Variants in PTPRQ observed in about 807,000 individuals in gnomAD.
The protein encoded by PTPRQ is phosphatidylinositol phosphatase PTPRQ.
In PTPRQ, 199 loss-of-function variants were observed where a neutral mutation model predicts 246.0. The observed-to-expected ratio is 0.81, with a 90% CI of 0.72 to 0.91. The LOEUF (loss-of-function observed/expected upper bound fraction) is 0.91, where lower values mean the gene tolerates loss of function less well. PTPRQ is among the 40% of genes least tolerant of loss of function. PTPRQ has a pLI of 0.00. For synonymous variants in PTPRQ, 869 were observed against 853.2 expected (o/e 1.02, Z -0.32); for missense variants, 2,624 against 2,528.4 (o/e 1.04, Z -0.81).
At chr12:80,490,599 C>T (rs1894414949) in intron 9 of PTPRQ, among the ~76,000 whole-genome samples, 1 of 151,914 alleles carries the variant, frequency 6.6e-6, no homozygotes, top group African/African-American at 2.4e-5. Flanking sequence ...AAGACATGTT[C>T]ATTGTCACAA....
chr12:80,628,984 C>T (rs1460428026), intron 33 of PTPRQ, among the ~76,000 whole-genome samples: 1 of 152,096 alleles, frequency 6.6e-6, no homozygotes, highest in Non-Finnish European at 1.5e-5. Flanking sequence ...GTCCAGAAGG[C>T]TAGAAATCTA....
chr12:80,482,225 T>C (rs1205978099), intron 8 of PTPRQ, among the ~76,000 whole-genome samples: 59 of 149,344 alleles, frequency 4.0e-4, no homozygotes, highest in Non-Finnish European at 6.7e-4. Context: ...ACGCCGCATA[T>C]CTACAACTAT....
At chr12:80,519,644 A>T (rs577683549) in intron 17 of PTPRQ, among the ~76,000 whole-genome samples, 1 of 152,314 alleles carries the variant, frequency 6.6e-6, no homozygotes, top group South Asian at 2.1e-4. Context: ...TGGTCCTGAC[A>T]CATGTGTATT....
chr12:80,541,465 T>G (rs1896147982), intron 20 of PTPRQ, 90 bp from the exon 21 acceptor site: 1 of 1,050,818 alleles, frequency 9.5e-7, no homozygotes, highest in Non-Finnish European at 1.3e-6. Context: ...ATGTAATAGT[T>G]GCCATTTCAA....
At chr12:80,551,995 A>G (rs12369601) in intron 25 of PTPRQ, among the ~76,000 whole-genome samples, 19,292 of 152,028 alleles carry the variant, frequency 0.13, 1,342 homozygotes, top group African/African-American at 0.16. Context: ...TTAAAAGCCC[A>G]GCTTAAATGT....
chr12:80,515,497 T>C (rs1343741111), intron 17 of PTPRQ, among the ~76,000 whole-genome samples: 2 of 151,892 alleles, frequency 1.3e-5, no homozygotes, highest in African/African-American at 4.8e-5. Context: ...CTTGGCTCAC[T>C]GCAACCTCTG....
intron 7 of PTPRQ, among the ~76,000 whole-genome samples, chr12:80,471,273 T>G (rs1355450242): frequency 2.0e-5 from 3 of 151,978 alleles, no homozygotes; most frequent in Non-Finnish European, 4.4e-5. Context: ...TGCCACCATT[T>G]GGGGTGGCTG....
chr12:80,468,903 C>T, intron 7 of PTPRQ, 65 bp downstream of exon 7: 1 of 1,508,738 alleles, frequency 6.6e-7, no homozygotes, highest in Non-Finnish European at 8.8e-7. Flanking sequence ...TTACCAATAT[C>T]AAACTCTGTT....
intron 25 of PTPRQ, among the ~76,000 whole-genome samples, chr12:80,572,916 A>G (rs1301353706): frequency 6.6e-6 from 1 of 152,144 alleles, no homozygotes; most frequent in African/African-American, 2.4e-5. Flanking sequence ...CATTTTGCTT[A>G]AGATTGTTGT....
intron 5 of PTPRQ, among the ~76,000 whole-genome samples, chr12:80,460,271 GA>G (rs1183164292): frequency 1.7e-4 from 26 of 151,954 alleles, no homozygotes; most frequent in Non-Finnish European, 2.8e-4. Flanking sequence ...GTACTTATGA[GA>G]AAAAAAAGTT....
chr12:80,449,467 T>C (rs1376656816), intron 3 of PTPRQ, among the ~76,000 whole-genome samples: 6 of 152,222 alleles, frequency 3.9e-5, no homozygotes, highest in African/African-American at 9.6e-5. Flanking sequence ...ATGTCCTGAA[T>C]GGTAATGCCT....
chr12:80,501,190 T>C (rs1424879748), intron 14 of PTPRQ, among the ~76,000 whole-genome samples: 1 of 151,932 alleles, frequency 6.6e-6, no homozygotes, highest in Non-Finnish European at 1.5e-5. Context: ...AGGTGGATCC[T>C]GAGATTCTTA....
At chr12:80,544,802 T>C (rs1201609745) in intron 23 of PTPRQ, among the ~76,000 whole-genome samples, 2 of 152,124 alleles carry the variant, frequency 1.3e-5, no homozygotes, top group Non-Finnish European at 1.5e-5. Flanking sequence ...TCTATTCTTT[T>C]TCTTCTTTTA....
intron 30 of PTPRQ, among the ~76,000 whole-genome samples, chr12:80,619,077 C>A (rs1458304263): frequency 6.6e-6 from 1 of 151,332 alleles, no homozygotes; most frequent in Non-Finnish European, 1.5e-5. Context: ...TATGTTTATG[C>A]ATTTATAAAA....
intron 8 of PTPRQ, among the ~76,000 whole-genome samples, chr12:80,480,202 A>G (rs1464607787): frequency 3.5e-4 from 54 of 152,250 alleles, no homozygotes; most frequent in Admixed American, 3.5e-3. Flanking sequence ...TCAAACTAGA[A>G]CTCAGGATTA....
intron 17 of PTPRQ, among the ~76,000 whole-genome samples, chr12:80,519,493 A>C (rs1002323540): frequency 6.6e-6 from 1 of 152,158 alleles, no homozygotes; most frequent in Non-Finnish European, 1.5e-5. Flanking sequence ...CATCTCTCAC[A>C]CTGGGAAGTG....
chr12:80,477,726 G>A (rs1372511901), intron 8 of PTPRQ, among the ~76,000 whole-genome samples: 1 of 152,166 alleles, frequency 6.6e-6, no homozygotes, highest in Admixed American at 6.5e-5. Context: ...AAGCGCAAGG[G>A]GTCAGGGAGT....
chr12:80,459,327 T>C lies in PTPRQ; in HGVS notation c.504T>C (p.Ala168=). 1 of 398,500 alleles carries C rather than the reference T, an allele frequency of 2.5e-6. No individual in the cohort carries two copies. The highest frequency in any genetic ancestry group is 4.4e-6 in the Non-Finnish European group (1 of 225,956). The allele number at this position is 398,500 out of a possible 1,614,324, so 24.7% of individuals were successfully genotyped here. The change falls in exon 5 of 45, where the codon GCT becomes GCC. Residue 168 remains alanine (A), a synonymous_variant. Coordinates refer to ENST00000644991, the MANE Select transcript of PTPRQ (RefSeq NM_001145026.2). ...VVNLTVEAYN[A]SAVKLIWYLP... ...ATCTCACAGTTGAGGCCTACAACGC[T>C]TCAGCAGTTAAGCTGATTTGGTATT... is the stretch of plus-strand genomic sequence containing the variant.
intron 39 of PTPRQ, among the ~76,000 whole-genome samples, chr12:80,662,990 T>C (rs1432018922): frequency 1.3e-5 from 2 of 151,896 alleles, no homozygotes; most frequent in African/African-American, 4.8e-5. Flanking sequence ...CAAAACACCT[T>C]TGGGCAAACA....
Sources: allele counts gnomAD v4.1 joint callset (sites outside exome capture counted in the v4.1 genomes callset), GRCh38; gene constraint gnomAD v4.1.1; transcripts MANE v1.5; gene names NCBI Gene and HGNC (gene_info 2026-07-23, HGNC 2026-07-21).